Variants in KIF16B observed in about 807,000 individuals in gnomAD.
The protein encoded by KIF16B is kinesin family member 16B, also known as kinesin-like protein KIF16B.
A neutral mutation model predicts 156.3 loss-of-function variants in KIF16B; 98 were observed. The ratio of observed to expected loss-of-function variants is 0.63; its 90% CI spans 0.53 to 0.74. The LOEUF is 0.74. Among genes scored for constraint, KIF16B ranks in the 30% least tolerant of loss-of-function variants. KIF16B has a pLI of 0.00. For synonymous variants in KIF16B, 564 were observed against 583.7 expected, an observed-to-expected ratio of 0.97 and a Z score of 0.49; for missense variants, 1,421 against 1,606.5, an observed-to-expected ratio of 0.88 and a Z score of 1.97.
At chr20:16,334,706 TG>T (rs2064005125) in intron 24 of KIF16B, among the ~76,000 whole-genome samples, 1 of 152,070 alleles carries the variant, frequency 6.6e-6, no homozygotes, top group African/African-American at 2.4e-5. Flanking sequence ...GATCTGATTG[TG>T]AAAAAGAGTC....
chr20:16,561,447 TCTCA>T (rs1396543529), intron 1 of KIF16B, among the ~76,000 whole-genome samples: 2 of 152,174 alleles, frequency 1.3e-5, no homozygotes, highest in African/African-American at 4.8e-5. Flanking sequence ...ACAAATCCTT[TCTCA>T]CTAAGTCAGT....
At chr20:16,414,260 A>G (rs2066031430) in intron 15 of KIF16B, among the ~76,000 whole-genome samples, 1 of 152,074 alleles carries the variant, frequency 6.6e-6, no homozygotes, top group Non-Finnish European at 1.5e-5. Flanking sequence ...TTTCACATAA[A>G]TACTAAACAA....
chr20:16,548,558 G>A (rs1248375717), intron 1 of KIF16B, among the ~76,000 whole-genome samples: 3 of 152,182 alleles, frequency 2.0e-5, no homozygotes, highest in Non-Finnish European at 2.9e-5. Flanking sequence ...CGTAAATGGC[G>A]CGTGCAAGGG....
chr20:16,468,783 C>T (rs1356127510), intron 12 of KIF16B, among the ~76,000 whole-genome samples: 4 of 151,908 alleles, frequency 2.6e-5, no homozygotes, highest in Non-Finnish European at 5.9e-5. Flanking sequence ...TGCACACATC[C>T]AGTAGGCAGA....
intron 1 of KIF16B, among the ~76,000 whole-genome samples, chr20:16,567,888 C>T (rs1160432047): frequency 6.6e-6 from 1 of 152,144 alleles, no homozygotes; most frequent in Non-Finnish European, 1.5e-5. Flanking sequence ...GGAGGCGGAG[C>T]TTGCAGTGAA....
intron 1 of KIF16B, among the ~76,000 whole-genome samples, chr20:16,564,868 C>A (rs2071195949): frequency 6.6e-6 from 1 of 152,008 alleles, no homozygotes; most frequent in South Asian, 2.1e-4. Context: ...CAGACTTGAG[C>A]CCGACCACCT....
intron 1 of KIF16B, among the ~76,000 whole-genome samples, chr20:16,541,431 C>T (rs1423687591): frequency 6.6e-6 from 1 of 152,192 alleles, no homozygotes; most frequent in Non-Finnish European, 1.5e-5. Context: ...CCACTCCGTC[C>T]CCCATGGGCT....
intron 12 of KIF16B, among the ~76,000 whole-genome samples, chr20:16,482,347 T>A (rs1236519815): frequency 2.0e-5 from 3 of 151,986 alleles, no homozygotes; most frequent in Non-Finnish European, 2.9e-5. Flanking sequence ...AAGTAATCTC[T>A]GAAAACTGGC....
intron 1 of KIF16B, among the ~76,000 whole-genome samples, chr20:16,532,266 G>A (rs1214994367): frequency 1.3e-5 from 2 of 152,098 alleles, no homozygotes; most frequent in African/African-American, 4.8e-5. Flanking sequence ...AAATAATCCA[G>A]GTATGGGGAA....
At chr20:16,447,560 G>A (rs1172323015) in intron 12 of KIF16B, among the ~76,000 whole-genome samples, 1 of 151,828 alleles carries the variant, frequency 6.6e-6, no homozygotes, top group Non-Finnish European at 1.5e-5. Context: ...GATAATTTGA[G>A]GCCAGGAATT....
At chr20:16,487,106 A>T (rs868077359) in intron 12 of KIF16B, among the ~76,000 whole-genome samples, 9 of 152,194 alleles carry the variant, frequency 5.9e-5, no homozygotes, top group South Asian at 2.1e-4. Context: ...ACAAAAAATT[A>T]GCTGGGCGTG....
chr20:16,365,904 G>A (rs2064653544), intron 22 of KIF16B, among the ~76,000 whole-genome samples: 1 of 152,144 alleles, frequency 6.6e-6, no homozygotes, highest in African/African-American at 2.4e-5. Flanking sequence ...GTTTGGCTGA[G>A]AGTGGATGGA....
At chr20:16,564,304 T>C (rs2071172558) in intron 1 of KIF16B, among the ~76,000 whole-genome samples, 1 of 152,236 alleles carries the variant, frequency 6.6e-6, no homozygotes, top group Admixed American at 6.5e-5. Context: ...ATGGTGTATA[T>C]GTGCCACATT....
At chr20:16,303,726 A>T (rs995848052) in intron 25 of KIF16B, among the ~76,000 whole-genome samples, 7 of 152,326 alleles carry the variant, frequency 4.6e-5, no homozygotes, top group African/African-American at 1.7e-4. Context: ...TAAAACATAA[A>T]ATACTTTGTA....
intron 12 of KIF16B, among the ~76,000 whole-genome samples, chr20:16,488,241 GC>G (rs2068182579): frequency 6.6e-6 from 1 of 152,224 alleles, no homozygotes; most frequent in Non-Finnish European, 1.5e-5. Flanking sequence ...GGACCACTTT[GC>G]AGCTCTGCTC....
At position 16,382,201 on chromosome 20, in the gene KIF16B, T is replaced by C. The variant is rs1395518011; in HGVS notation, c.1785-454A>G. 4.1e-6 allele frequency: 4 copies of C among 984,502 alleles called. No individual in the cohort carries two copies. In the South Asian group the frequency reaches 5.9e-5, roughly 15 times the overall value. 61.0% of individuals were successfully genotyped at this position (984,502 alleles called of 1,614,324 possible). A position where few individuals can be genotyped will look rare whatever the true frequency, so the allele number is the denominator to read the frequency against. ...GACATCAATTAAGGAAAGCATTTAA[T>C]AGGAAGGAATATCAGGAGAAAAGCA... is the stretch of plus-strand genomic sequence containing the variant. On this transcript the variant is annotated intron_variant, in intron 17 of 25. Coordinates refer to ENST00000354981, the MANE Select transcript of KIF16B (RefSeq NM_024704.5).
chr20:16,426,663 CTTGCAACTTGTCTATGATA>C (rs1163537132), intron 15 of KIF16B, among the ~76,000 whole-genome samples: 47 of 152,178 alleles, frequency 3.1e-4, no homozygotes, highest in African/African-American at 1.1e-3. Context: ...TGGTACTATT[CTTGCAACTTGTCTATGATA>C]TTGAAGTTAT....
intron 20 of KIF16B, 118 bp downstream of exon 20, chr20:16,374,139 C>G (rs984069748): frequency 1.0e-6 from 1 of 982,688 alleles, no homozygotes; most frequent in South Asian, 3.0e-5. Context: ...ATCTCAAGCA[C>G]GTGTATTACT....
intron 1 of KIF16B, among the ~76,000 whole-genome samples, chr20:16,552,240 C>T (rs1173497605): frequency 5.9e-5 from 9 of 152,168 alleles, no homozygotes. Context: ...CTCCCTAACA[C>T]AAGGAAGCCT....
Sources: gnomAD v4.1 joint callset for allele counts (sites outside exome capture counted in the v4.1 genomes callset) on GRCh38, gnomAD v4.1.1 for gene constraint, MANE v1.5 for transcripts, NCBI Gene and HGNC (gene_info 2026-07-23, HGNC 2026-07-21) for gene names.